SLC7A2: variants seen among roughly 807,000 people sequenced by gnomAD.
SLC7A2 encodes the protein cationic amino acid transporter 2.
Under a neutral mutation model 58.9 loss-of-function variants are expected in SLC7A2, and 48 were observed. The ratio of observed to expected loss-of-function variants is 0.82; its 90% confidence interval spans 0.65 to 1.04. SLC7A2 has a LOEUF of 1.04. SLC7A2 is among the 50% of genes least tolerant of loss of function. SLC7A2 has a pLI of 0.00. For missense variants in SLC7A2, 1,029 were observed against 818.8 expected (o/e 1.26, Z -3.13); for synonymous variants, 363 against 314.5 (o/e 1.15, Z -1.63).
rs1434129224 is a variant in SLC7A2, at chr8:17,554,663, C to G, written c.1159C>G (p.Pro387Ala). Residue 387 changes from proline (P) to alanine (A), a missense_variant, in exon 8 of 13, where the codon CCA (proline) becomes GCA (alanine). Pro to Ala is a conservative substitution (Grantham distance 27). Transcript: ENST00000494857. ...LAQINSKTKT[P>A]IIATLSSGAV... Reference sequence around the variant, plus strand: ...TCAAATCAATTCCAAAACGAAGACACCAATAATTGCTACTTTATCATCGGG... The same window carrying G: ...TCAAATCAATTCCAAAACGAAGACAGCAATAATTGCTACTTTATCATCGGG... The G allele has an allele frequency of 1.2e-6, 2 of 1,612,796 alleles. No individual in the cohort carries two copies. The highest frequency in any genetic ancestry group is 1.7e-5 in the Admixed American group (1 of 59,586).
At chr8:17,563,252 G>C (rs1275890487) in intron 11 of SLC7A2, among the ~76,000 whole-genome samples, 1 of 152,148 alleles carries the variant, frequency 6.6e-6, no homozygotes, top group Non-Finnish European at 1.5e-5. Flanking sequence ...GGTTTGAAGA[G>C]GGCTTCCTGG....
chr8:17,537,927 T>A (rs1484386059), intron 2 of SLC7A2, among the ~76,000 whole-genome samples: 2 of 152,204 alleles, frequency 1.3e-5, no homozygotes, highest in Admixed American at 6.5e-5. Flanking sequence ...AAAAGTTGGA[T>A]GCTTCATTTA....
chr8:17,513,285 A>G (rs1800677406), intron 2 of SLC7A2, among the ~76,000 whole-genome samples: 1 of 152,140 alleles, frequency 6.6e-6, no homozygotes, highest in African/African-American at 2.4e-5. Flanking sequence ...CAAGGATCCC[A>G]ATTTCTGCAT....
chr8:17,506,170 G>A (rs944400782), intron 2 of SLC7A2, among the ~76,000 whole-genome samples: 6 of 152,202 alleles, frequency 3.9e-5, no homozygotes, highest in African/African-American at 1.4e-4. Flanking sequence ...ATAGCACAGA[G>A]CACTTTTACA....
At chr8:17,495,830 G>C (rs1447786970), upstream of SLC7A2, among the ~76,000 whole-genome samples, 1 of 152,050 alleles carries the variant, frequency 6.6e-6, no homozygotes, top group Non-Finnish European at 1.5e-5. Context: ...GATTACAGGC[G>C]TGAGCCACCA....
At position 17,544,958 on chromosome 8, in the gene SLC7A2, A is replaced by G. The variant is rs115252677; in HGVS notation, c.532+352A>G. Among the ~76,000 whole-genome samples, 845 of 152,296 alleles carry G rather than the reference A, an allele frequency of 5.5e-3. 12 individuals carry two copies. The highest frequency in any genetic ancestry group is 0.019 in the African/African-American group (770 of 41,558). On this transcript the variant is annotated intron_variant, in intron 4 of 12. Transcript: ENST00000494857. ...TTTCTTGGCATTATTTCATCTTGCT[A>G]GATACAACTAGGGATATTTGCAATT...
At chr8:17,554,473 G>A (rs1802593030) in intron 7 of SLC7A2, 87 bp from the exon 8 acceptor site, 1 of 1,088,206 alleles carries the variant, frequency 9.2e-7, no homozygotes, top group East Asian at 2.6e-5. Context: ...CTGTCATGCT[G>A]AATATTATAC....
intron 2 of SLC7A2, among the ~76,000 whole-genome samples, chr8:17,502,964 T>C (rs1298407419): frequency 6.6e-6 from 1 of 151,994 alleles, no homozygotes; most frequent in African/African-American, 2.4e-5. Context: ...TAAATGAACT[T>C]TCCATAAGTC....
intron 1 of SLC7A2, among the ~76,000 whole-genome samples, chr8:17,497,510 G>C (rs944018438): frequency 9.9e-5 from 15 of 152,152 alleles, no homozygotes; most frequent in African/African-American, 3.6e-4. Context: ...CGCCTCGTCC[G>C]GTCCCTGTGC....
chr8:17,522,419 G>A (rs1177829156), intron 2 of SLC7A2, among the ~76,000 whole-genome samples: 2 of 152,130 alleles, frequency 1.3e-5, no homozygotes, highest in Non-Finnish European at 2.9e-5. Flanking sequence ...TGTCAACTTG[G>A]CCATGCTGAC....
chr8:17,537,765 G>T (rs1270086851), intron 2 of SLC7A2, among the ~76,000 whole-genome samples: 1 of 152,182 alleles, frequency 6.6e-6, no homozygotes, highest in Non-Finnish European at 1.5e-5. Flanking sequence ...AGACCTACGG[G>T]CATGGGCATC....
intron 2 of SLC7A2, among the ~76,000 whole-genome samples, chr8:17,534,269 G>A (rs1441986130): frequency 6.6e-6 from 1 of 152,130 alleles, no homozygotes; most frequent in East Asian, 1.9e-4. Flanking sequence ...TGTGGACAGT[G>A]GATTCAAAGT....
At chr8:17,507,829 T>C (rs578021400) in intron 2 of SLC7A2, among the ~76,000 whole-genome samples, 1 of 152,296 alleles carries the variant, frequency 6.6e-6, no homozygotes, top group Admixed American at 6.5e-5. Flanking sequence ...CATTTAGAAA[T>C]AAGTGTTACA....
chr8:17,558,288 C>G lies in SLC7A2; in HGVS notation c.1196-7C>G. 1 of 1,596,604 alleles carries G rather than the reference C, an allele frequency of 6.3e-7. No homozygotes were observed. The highest frequency in any genetic ancestry group is 8.6e-7 in the Non-Finnish European group (1 of 1,164,706). On this transcript the variant is annotated splice_region_variant and splice_polypyrimidine_tract_variant and intron_variant, in intron 8 of 12. Coordinates refer to ENST00000494857, the MANE Select transcript of SLC7A2 (RefSeq NM_001370338.1). ...TTTACTTCACCGTTCTTTTCTTCTCCCCCTAGCTTTGATGGCCTTTCTGTT... is the reference window on the plus strand; with the variant it reads ...TTTACTTCACCGTTCTTTTCTTCTCGCCCTAGCTTTGATGGCCTTTCTGTT...
intron 2 of SLC7A2, among the ~76,000 whole-genome samples, chr8:17,521,045 A>T (rs1374397219): frequency 2.0e-5 from 3 of 152,126 alleles, no homozygotes; most frequent in Non-Finnish European, 4.4e-5. Flanking sequence ...TACCATAATG[A>T]TAGTTACTCT....
In SLC7A2 at chr8:17,507,213, G is replaced by A. The variant is rs574096728; in HGVS notation, c.-23+4911G>A. ...ACCCGCTTCGGCCCCACAAAGTGCT[G>A]CGATTACAGGCGTGAGCCACTGTGT... On this transcript the variant is annotated intron_variant, in intron 2 of 12. Transcript: ENST00000494857. Among the ~76,000 whole-genome samples, 7 of 152,232 alleles carry A rather than the reference G, an allele frequency of 4.6e-5. No individual in the cohort carries two copies. The East Asian group carries it at 1.3e-3, about 29-fold the overall frequency.
chr8:17,547,095 A>C (rs1217713455), intron 4 of SLC7A2, among the ~76,000 whole-genome samples: 1 of 152,228 alleles, frequency 6.6e-6, no homozygotes, highest in African/African-American at 2.4e-5. Context: ...AATTTTATAA[A>C]TCAATGTATT....
chr8:17,569,125 T>A lies in SLC7A2; in HGVS notation c.*3979T>A, dbSNP rs1803400435. ...GAGCCTTGCCTTCCCTCCTCTTAAATCAGGGTGTGTTCCGAGATTACAGAA... is the reference window on the plus strand; with the variant it reads ...GAGCCTTGCCTTCCCTCCTCTTAAAACAGGGTGTGTTCCGAGATTACAGAA... On this transcript the variant is annotated 3_prime_UTR_variant, in exon 13 of 13. Coordinates refer to ENST00000494857, the MANE Select transcript of SLC7A2 (RefSeq NM_001370338.1). 1 of 152,114 alleles carries A rather than the reference T, an allele frequency of 6.6e-6. No individual in the cohort carries two copies. Among genetic ancestry groups the A allele is most frequent in the South Asian group, 2.1e-4 (1 of 4,822 alleles). The allele number at this position is 152,114 out of a possible 1,614,324, so 9.4% of individuals were successfully genotyped here. A position where few individuals can be genotyped will look rare whatever the true frequency, so the allele number is the denominator to read the frequency against.
chr8:17,513,715 A>C (rs532246975), intron 2 of SLC7A2, among the ~76,000 whole-genome samples: 24 of 152,314 alleles, frequency 1.6e-4, no homozygotes, highest in African/African-American at 5.8e-4. Context: ...ATGATAGTGA[A>C]GCTAGCCTAA....
Sources: allele counts gnomAD v4.1 joint callset (sites outside exome capture counted in the v4.1 genomes callset), GRCh38; gene constraint gnomAD v4.1.1; transcripts MANE v1.5; gene names NCBI Gene and HGNC (gene_info 2026-07-23, HGNC 2026-07-21).